The following HEPH variants were observed in gnomAD, a reference collection of about 807,000 sequenced individuals.
HEPH encodes hephaestin.
HEPH carries 69 observed loss-of-function variants against 80.8 expected under a neutral mutation model. The observed-to-expected ratio is 0.85, with a 90% CI of 0.70 to 1.04. HEPH has a LOEUF of 1.04. Among genes scored for constraint, HEPH ranks in the 50% least tolerant of loss-of-function variants. The pLI is 0.00. For missense variants in HEPH, 1,115 were observed against 891.3 expected, an observed-to-expected ratio of 1.25 and a Z score of -3.20; for synonymous variants, 431 against 322.8, an observed-to-expected ratio of 1.34 and a Z score of -3.60.
At chrX:66,212,319 T>G (rs1195325582) in intron 15 of HEPH, among the ~76,000 whole-genome samples, 1 of 110,982 alleles carries the variant, frequency 9.0e-6, no homozygotes, top group African/African-American at 3.3e-5. Flanking sequence ...TTATTTCCTT[T>G]GCTGTGCAAT....
intron 15 of HEPH, among the ~76,000 whole-genome samples, chrX:66,220,345 A>C (rs1001969192): frequency 1.1e-4 from 12 of 111,255 alleles, no homozygotes; most frequent in African/African-American, 3.3e-4. Context: ...ACGTTTATAA[A>C]CTTCTCCTCA....
intron 1 of HEPH, among the ~76,000 whole-genome samples, chrX:66,167,848 A>AG (rs754302161): frequency 2.3e-4 from 26 of 112,345 alleles, no homozygotes; most frequent in African/African-American, 6.5e-4. Flanking sequence ...GATGGGAAAA[A>AG]TGAGGTGAAG....
chrX:66,228,333 G>C (rs139567499), intron 15 of HEPH, among the ~76,000 whole-genome samples: 1 of 112,437 alleles, frequency 8.9e-6, no homozygotes, highest in Non-Finnish European at 1.9e-5. Context: ...GATGAGATTC[G>C]TGTGGAACAC....
Position 66,208,042 on chromosome X carries a change from C to A in HEPH, c.2432-73C>A, listed in dbSNP as rs768834149. The A allele has an allele frequency of 4.5e-5, 35 of 785,510 alleles. No individual in the cohort carries two copies. In the South Asian group the frequency reaches 9.3e-4, roughly 21 times the overall value. The allele number at this position is 785,510 out of a possible 1,213,427, so 64.7% of individuals were successfully genotyped here. A position where few individuals can be genotyped will look rare whatever the true frequency, so the allele number is the denominator to read the frequency against. ...AATTCTATGAAGTGCTCATATATGT[C>A]CCTTTCTTTAATGCTCCCTGTGCTC... On this transcript the variant is annotated intron_variant, in intron 14 of 20. Coordinates refer to ENST00000343002, the MANE Select transcript of HEPH (RefSeq NM_001367233.3).
intron 15 of HEPH, among the ~76,000 whole-genome samples, chrX:66,243,853 A>G (rs185993586): frequency 8.9e-6 from 1 of 112,384 alleles, no homozygotes. Flanking sequence ...CTTGTAAGCC[A>G]GGTGTGATGA....
chrX:66,227,969 T>TA (rs1393094612), intron 15 of HEPH, among the ~76,000 whole-genome samples: 4 of 111,247 alleles, frequency 3.6e-5, no homozygotes, highest in South Asian at 3.8e-4. Context: ...GCATTGAATG[T>TA]AAAAAAATGA....
intron 8 of HEPH, among the ~76,000 whole-genome samples, chrX:66,194,260 A>G (rs1302592651): frequency 6.3e-5 from 7 of 111,760 alleles, no homozygotes; most frequent in Non-Finnish European, 1.1e-4. Flanking sequence ...TAGATCTGAT[A>G]ATGGACAATA....
At chrX:66,241,234 G>T (rs1319976641) in intron 15 of HEPH, among the ~76,000 whole-genome samples, 2 of 111,914 alleles carry the variant, frequency 1.8e-5, no homozygotes, top group African/African-American at 6.5e-5. Flanking sequence ...ACATCATGAT[G>T]ATAGGATCAA....
chrX:66,261,276 A>T (rs762379751), intron 19 of HEPH, among the ~76,000 whole-genome samples: 118 of 111,990 alleles, frequency 1.1e-3, no homozygotes, highest in Admixed American at 4.1e-3. Flanking sequence ...AGCTTATCTG[A>T]GTTACTACCA....
chrX:66,258,238 A>T (rs148130641), intron 17 of HEPH, among the ~76,000 whole-genome samples: 17 of 111,949 alleles, frequency 1.5e-4, no homozygotes, highest in Middle Eastern at 4.6e-3. Flanking sequence ...TATGAGTTTC[A>T]GTGAGTCATG....
At chrX:66,241,856 A>G (rs1439497651) in intron 15 of HEPH, among the ~76,000 whole-genome samples, 2 of 111,299 alleles carry the variant, frequency 1.8e-5, no homozygotes, top group African/African-American at 6.5e-5. Context: ...CCACTCAAAG[A>G]AATCAGAGAT....
At chrX:66,243,374 C>T (rs1022481691) in intron 15 of HEPH, among the ~76,000 whole-genome samples, 2 of 111,797 alleles carry the variant, frequency 1.8e-5, no homozygotes, top group African/African-American at 6.5e-5. Flanking sequence ...GATCAAAAAG[C>T]TAGTTAGGTA....
chrX:66,202,057 G>T (rs915838504), intron 12 of HEPH, among the ~76,000 whole-genome samples: 1 of 111,747 alleles, frequency 8.9e-6, no homozygotes, highest in African/African-American at 3.3e-5. Context: ...TGCATTAGAG[G>T]TGGAGAAGTG....
At chrX:66,217,632 G>A (rs957434910) in intron 15 of HEPH, among the ~76,000 whole-genome samples, 8 of 111,128 alleles carry the variant, frequency 7.2e-5, no homozygotes, top group East Asian at 2.8e-4. Context: ...ATGAAAAAAA[G>A]CCAAGGTATT....
intron 15 of HEPH, among the ~76,000 whole-genome samples, chrX:66,213,205 C>T (rs1403792079): frequency 9.4e-6 from 1 of 105,838 alleles, no homozygotes; most frequent in East Asian, 3.0e-4. Flanking sequence ...CCACAACAGT[C>T]CCCAGAGTGT....
At chrX:66,222,584 G>A (rs956497853) in intron 15 of HEPH, among the ~76,000 whole-genome samples, 3 of 111,753 alleles carry the variant, frequency 2.7e-5, no homozygotes, top group African/African-American at 6.5e-5. Flanking sequence ...AACTGGTTGG[G>A]GCAGTCCATC....
chrX:66,229,897 G>C (rs752680559), intron 15 of HEPH, among the ~76,000 whole-genome samples: 120 of 106,164 alleles, frequency 1.1e-3, no homozygotes, highest in African/African-American at 4.1e-3. Flanking sequence ...CTTGCATTAG[G>C]TATATCTCCC....
chrX:66,247,622 G>A (rs1025429786), intron 15 of HEPH, among the ~76,000 whole-genome samples: 1 of 111,243 alleles, frequency 9.0e-6, no homozygotes, highest in African/African-American at 3.3e-5. Flanking sequence ...TTAAGCAGCT[G>A]TTATAAGTAA....
chrX:66,190,031 GTCC>G, intron 6 of HEPH, 93 bp downstream of exon 6: 1 of 931,842 alleles, frequency 1.1e-6, no homozygotes, highest in Non-Finnish European at 1.5e-6. Context: ...CCATAAATAA[GTCC>G]TCCAGTTGAG....
Sources: allele counts gnomAD v4.1 joint callset (sites outside exome capture counted in the v4.1 genomes callset), GRCh38; gene constraint gnomAD v4.1.1; transcripts MANE v1.5; gene names NCBI Gene and HGNC (gene_info 2026-07-23, HGNC 2026-07-21).